GRM1: variants seen among roughly 807,000 people sequenced by gnomAD.
The protein encoded by GRM1 is glutamate metabotropic receptor 1.
Under a neutral mutation model 90.9 loss-of-function variants are expected in GRM1, and 33 were observed. The observed-to-expected ratio is 0.36, with a 90% CI of 0.28 to 0.49. GRM1 has a LOEUF of 0.49. GRM1 is among the 20% of genes least tolerant of loss of function. The probability of loss-of-function intolerance (pLI) is 0.99; values close to 1 mark genes in which losing one functional copy is unlikely to be tolerated. For synonymous variants in GRM1, 700 were observed against 613.2 expected, an observed-to-expected ratio of 1.14 and a Z score of -2.09; for missense variants, 1,190 against 1,534.3, an observed-to-expected ratio of 0.78 and a Z score of 3.75.
In GRM1 at chr6:146,108,140, A is replaced by G. The variant is rs576836619; in HGVS notation, c.701-51208A>G. Among the ~76,000 whole-genome samples the G allele has an allele frequency of 2.0e-5, 3 of 152,370 alleles. No individual in the cohort carries two copies. The South Asian group carries it at 6.2e-4, about 32-fold the overall frequency. ...GTGAAAATTGAGAGTCAGAGAAGTT[A>G]TGCAACTGCTAAGTTGCCTAGCTGA... On this transcript the variant is annotated intron_variant, in intron 1 of 7. Coordinates refer to ENST00000282753, the MANE Select transcript of GRM1 (RefSeq NM_001278064.2).
At chr6:146,171,288 G>A (rs914645266) in intron 2 of GRM1, 1 of 152,096 alleles carries the variant, frequency 6.6e-6, no homozygotes, top group African/African-American at 2.4e-5. Flanking sequence ...ATTGAGTTCT[G>A]GGCCCTCACG....
chr6:146,075,039 A>G (rs1309250342), intron 1 of GRM1, among the ~76,000 whole-genome samples: 1 of 152,196 alleles, frequency 6.6e-6, no homozygotes, highest in Admixed American at 6.6e-5. Context: ...TCCAGAGTTC[A>G]TATGCTATGA....
chr6:146,082,751 G>GT (rs1776406769), intron 1 of GRM1, among the ~76,000 whole-genome samples: 1 of 152,070 alleles, frequency 6.6e-6, no homozygotes, highest in African/African-American at 2.4e-5. Context: ...ATAAAAAGTA[G>GT]TTTTTTTCTA....
At chr6:146,242,822 G>A (rs553930161) in intron 2 of GRM1, among the ~76,000 whole-genome samples, 2 of 152,170 alleles carry the variant, frequency 1.3e-5, no homozygotes, top group African/African-American at 4.8e-5. Context: ...GAATTTTACA[G>A]CACACCAGAC....
chr6:146,315,952 G>A (rs539796934), intron 3 of GRM1, among the ~76,000 whole-genome samples: 1 of 152,220 alleles, frequency 6.6e-6, no homozygotes, highest in African/African-American at 2.4e-5. Flanking sequence ...GTCCAGATTG[G>A]GTAATTCTTA....
chr6:146,203,425 A>C (rs1316672215), intron 2 of GRM1, among the ~76,000 whole-genome samples: 1 of 152,120 alleles, frequency 6.6e-6, no homozygotes, highest in Non-Finnish European at 1.5e-5. Flanking sequence ...CAGACATAGA[A>C]AAGTGAATGT....
At chr6:146,172,184 G>A (rs182626463) in intron 2 of GRM1, among the ~76,000 whole-genome samples, 7 of 152,126 alleles carry the variant, frequency 4.6e-5, no homozygotes, top group African/African-American at 1.2e-4. Flanking sequence ...CCTTTTCTAC[G>A]TTCCTTGGAT....
At chr6:146,109,901 A>AT (rs770789483) in intron 1 of GRM1, among the ~76,000 whole-genome samples, 36 of 152,182 alleles carry the variant, frequency 2.4e-4, no homozygotes, top group Non-Finnish European at 4.7e-4. Context: ...TCTGGCTTGC[A>AT]TGGGGCCTGT....
chr6:146,092,690 A>G (rs1366178277), intron 1 of GRM1, among the ~76,000 whole-genome samples: 1 of 152,002 alleles, frequency 6.6e-6, no homozygotes, highest in Non-Finnish European at 1.5e-5. Flanking sequence ...TGTGATGCAC[A>G]TCTGAGAGGG....
chr6:146,067,847 A>T (rs180720324), intron 1 of GRM1, among the ~76,000 whole-genome samples: 33 of 152,322 alleles, frequency 2.2e-4, no homozygotes, highest in Admixed American at 2.0e-3. Flanking sequence ...CCCAAACCTG[A>T]TAAGTTTATA....
intron 1 of GRM1, among the ~76,000 whole-genome samples, chr6:146,146,638 G>A (rs1415576997): frequency 1.3e-5 from 2 of 152,108 alleles, no homozygotes; most frequent in Admixed American, 6.5e-5. Flanking sequence ...AGCATTAAGA[G>A]GTGATTAGAT....
At chr6:146,192,099 A>G (rs1778951981) in intron 2 of GRM1, among the ~76,000 whole-genome samples, 1 of 152,198 alleles carries the variant, frequency 6.6e-6, no homozygotes, top group African/African-American at 2.4e-5. Flanking sequence ...AACAAATTTT[A>G]TTGTGGTCTA....
intron 2 of GRM1, among the ~76,000 whole-genome samples, chr6:146,242,620 C>T (rs962407965): frequency 4.6e-5 from 7 of 152,076 alleles, no homozygotes; most frequent in African/African-American, 9.7e-5. Flanking sequence ...TGTGCTCTGT[C>T]GACACCCTTC....
At chr6:146,405,166 A>C (rs1296211332) in intron 7 of GRM1, among the ~76,000 whole-genome samples, 1 of 152,180 alleles carries the variant, frequency 6.6e-6, no homozygotes, top group African/African-American at 2.4e-5. Context: ...AAAGTCATCC[A>C]AAGGGAGGTA....
chr6:146,435,732 T>C lies in GRM1; in HGVS notation c.*936T>C, dbSNP rs914248439. On this transcript the variant is annotated 3_prime_UTR_variant, in exon 8 of 8. Transcript: ENST00000282753. ...AGAGTGGCAGAAACCCTTTTGTAGA[T>C]TGACTTGTGTTTGTGCCAAGCGGGC... 6.6e-6 allele frequency: 1 copy of C among 152,582 alleles called. No individual in the cohort carries two copies. The highest frequency in any genetic ancestry group is 2.4e-5 in the African/African-American group (1 of 41,436). The allele number at this position is 152,582 out of a possible 1,614,324, so 9.5% of individuals were successfully genotyped here.
At chr6:146,428,435 T>A (rs1216387113) in intron 7 of GRM1, among the ~76,000 whole-genome samples, 1 of 152,190 alleles carries the variant, frequency 6.6e-6, no homozygotes, top group Non-Finnish European at 1.5e-5. Context: ...AATTTTCCAG[T>A]TGCAGGAAAT....
At chr6:146,033,274 T>C (rs1487770902) in intron 1 of GRM1, among the ~76,000 whole-genome samples, 1 of 152,100 alleles carries the variant, frequency 6.6e-6, no homozygotes, top group Non-Finnish European at 1.5e-5. Context: ...AGTCTTTAAA[T>C]ATGCTAAGTA....
At chr6:146,412,751 A>T (rs1040446833) in intron 7 of GRM1, among the ~76,000 whole-genome samples, 1 of 152,216 alleles carries the variant, frequency 6.6e-6, no homozygotes, top group Non-Finnish European at 1.5e-5. Context: ...AGAATATCTC[A>T]TAAGTATATA....
At chr6:146,269,037 T>C (rs563250113) in intron 2 of GRM1, among the ~76,000 whole-genome samples, 1 of 152,302 alleles carries the variant, frequency 6.6e-6, no homozygotes, top group African/African-American at 2.4e-5. Context: ...TTTTTTTCCC[T>C]AGACTTACAA....
Sources: gnomAD v4.1 joint callset for allele counts (sites outside exome capture counted in the v4.1 genomes callset) on GRCh38, gnomAD v4.1.1 for gene constraint, MANE v1.5 for transcripts, NCBI Gene and HGNC (gene_info 2026-07-23, HGNC 2026-07-21) for gene names.